GALNT16: variants seen among roughly 807,000 people sequenced by gnomAD.
GALNT16 encodes UDP-GalNAc:polypeptide N-acetylgalactosaminyltransferase-like protein 1.
A neutral mutation model predicts 76.1 loss-of-function variants in GALNT16; 40 were observed. That is an observed-to-expected ratio of 0.53 (90% CI 0.41 to 0.68). The LOEUF is 0.68. GALNT16 is among the 30% of genes least tolerant of loss of function. The probability of loss-of-function intolerance (pLI) is 0.00; values close to 1 mark genes in which losing one functional copy is unlikely to be tolerated. For missense variants in GALNT16, 621 were observed against 731.9 expected, an observed-to-expected ratio of 0.85 and a Z score of 1.75; for synonymous variants, 276 against 285.2, an observed-to-expected ratio of 0.97 and a Z score of 0.32.
chr14:69,263,312 G>A (rs1447421298), intron 1 of GALNT16, among the ~76,000 whole-genome samples: 1 of 152,182 alleles, frequency 6.6e-6, no homozygotes, highest in Non-Finnish European at 1.5e-5. Flanking sequence ...AGGAGGTGGG[G>A]GATGTACGTT....
rs1039363066 is a variant in GALNT16 at position 69,354,417 on chromosome 14, C to G, written c.*2249C>G. ...ATGTGCCACTAGCTGTCCTTGAGGA[C>G]CTCGTCTTTATGAAACACACACCTG... is the stretch of plus-strand genomic sequence containing the variant. On this transcript the variant is annotated 3_prime_UTR_variant, in exon 15 of 15. Transcript: ENST00000448469. 4 of 152,780 alleles carry G rather than the reference C, an allele frequency of 2.6e-5. No individual in the cohort carries two copies. Among genetic ancestry groups the G allele is most frequent in the African/African-American group, 7.2e-5 (3 of 41,462 alleles). The allele number at this position is 152,780 out of a possible 1,614,324, so 9.5% of individuals were successfully genotyped here. A position where few individuals can be genotyped will look rare whatever the true frequency, so the allele number is the denominator to read the frequency against.
chr14:69,271,537 C>T (rs78558369), intron 1 of GALNT16, among the ~76,000 whole-genome samples: 2 of 152,366 alleles, frequency 1.3e-5, no homozygotes, highest in East Asian at 3.9e-4. Context: ...GGGGAGAGCC[C>T]TCCTCATCAC....
At chr14:69,282,020 G>C (rs1393680068) in intron 1 of GALNT16, among the ~76,000 whole-genome samples, 2 of 152,196 alleles carry the variant, frequency 1.3e-5, no homozygotes, top group Non-Finnish European at 2.9e-5. Flanking sequence ...GTTACATCAT[G>C]GGGTTTGTCC....
chr14:69,269,380 C>T (rs199565454), intron 1 of GALNT16, among the ~76,000 whole-genome samples: 2 of 149,716 alleles, frequency 1.3e-5, no homozygotes, highest in South Asian at 4.3e-4. Flanking sequence ...ATGGGGCGCA[C>T]GTGTGTGTGT....
In GALNT16 at chr14:69,346,803, C is replaced by T. The variant is rs568582624; in HGVS notation, c.1272-237C>T. Among the ~76,000 whole-genome samples the T allele has an allele frequency of 4.6e-5, 7 of 152,276 alleles. No individual in the cohort carries two copies. The South Asian group carries it at 1.2e-3, about 27-fold the overall frequency. On this transcript the variant is annotated intron_variant, in intron 12 of 14. Coordinates refer to ENST00000448469, the MANE Select transcript of GALNT16 (RefSeq NM_001168368.2). The stretch of plus-strand genomic sequence containing the variant: ...GCTCCCCCATCCTCTATGTCTCAGG[C>T]CCAGCCTCCAGGGCAGAGGGTCCCA...
intron 12 of GALNT16, among the ~76,000 whole-genome samples, chr14:69,345,682 G>T (rs544316286): frequency 7.0e-6 from 1 of 142,466 alleles, no homozygotes; most frequent in Admixed American, 7.1e-5. Context: ...GCTTCCTCAG[G>T]TTTATTACCC....
intron 1 of GALNT16, among the ~76,000 whole-genome samples, chr14:69,271,317 T>C (rs1237048194): frequency 6.6e-6 from 1 of 151,990 alleles, no homozygotes. Context: ...GCTCAAGACC[T>C]ATGGAACTTG....
the GALNT16 span, among the ~76,000 whole-genome samples, chr14:69,367,126 C>A: frequency 6.6e-6 from 1 of 152,052 alleles, no homozygotes; most frequent in East Asian, 1.9e-4. Context: ...GTGGTCCGTA[C>A]AGGGAACAGG....
rs2044264293 is a variant in GALNT16 at position 69,261,092 on chromosome 14, CT to C, written c.177+627del. ...ACTGTACGCGTCTCTCACTCCCAACCTTAGGGTCCGCCACCACGGGTAGGTG... is the reference window on the plus strand; with the variant it reads ...ACTGTACGCGTCTCTCACTCCCAACCTAGGGTCCGCCACCACGGGTAGGTG... On this transcript the variant is annotated intron_variant, in intron 1 of 14. Coordinates refer to ENST00000448469, the MANE Select transcript of GALNT16 (RefSeq NM_001168368.2). This position sits in a 1 kb window ranked among gnomAD's most constrained non-coding sequence, Gnocchi z 6.4. Among the ~76,000 whole-genome samples the C allele has an allele frequency of 2.0e-5, 3 of 152,238 alleles. No individual in the cohort carries two copies. The South Asian group carries it at 6.2e-4, about 31-fold the overall frequency.
At chr14:69,346,011 C>G (rs1005819000) in intron 12 of GALNT16, among the ~76,000 whole-genome samples, 3 of 152,094 alleles carry the variant, frequency 2.0e-5, no homozygotes, top group Admixed American at 1.3e-4. Context: ...CCTTAGCCTC[C>G]CAAGTACGTG....
chr14:69,309,016 G>A (rs2044977479), intron 1 of GALNT16, among the ~76,000 whole-genome samples: 1 of 152,102 alleles, frequency 6.6e-6, no homozygotes, highest in Non-Finnish European at 1.5e-5. Context: ...TTTTATTACT[G>A]GCAGAATCAA....
intron 1 of GALNT16, among the ~76,000 whole-genome samples, chr14:69,312,259 A>C (rs561986750): frequency 6.6e-6 from 1 of 151,986 alleles, no homozygotes; most frequent in Non-Finnish European, 1.5e-5. Context: ...TCTAAAAAAA[A>C]TTTTTTTTAA....
At chr14:69,301,630 C>T (rs2044853530) in intron 1 of GALNT16, among the ~76,000 whole-genome samples, 1 of 152,248 alleles carries the variant, frequency 6.6e-6, no homozygotes, top group Non-Finnish European at 1.5e-5. Flanking sequence ...TGAACTACTG[C>T]ACCCAGCCCA....
chr14:69,290,836 G>A (rs1566866936), intron 1 of GALNT16, among the ~76,000 whole-genome samples: 1 of 152,232 alleles, frequency 6.6e-6, no homozygotes, highest in Admixed American at 6.5e-5. Flanking sequence ...TTCCATCCAG[G>A]TTCCATGACT....
intron 1 of GALNT16, among the ~76,000 whole-genome samples, chr14:69,273,531 C>T (rs1194296627): frequency 1.3e-5 from 2 of 152,188 alleles, no homozygotes; most frequent in Non-Finnish European, 2.9e-5. Context: ...ATTTACTAAT[C>T]CTGCATTAGG....
chr14:69,345,107 T>C (rs771598493), intron 12 of GALNT16, among the ~76,000 whole-genome samples: 2 of 152,238 alleles, frequency 1.3e-5, no homozygotes, highest in African/African-American at 2.4e-5. Context: ...TGCAAGCTCA[T>C]TGTGGCCTGA....
intron 1 of GALNT16, among the ~76,000 whole-genome samples, chr14:69,317,321 G>A (rs2045117327): frequency 6.6e-6 from 1 of 152,218 alleles, no homozygotes; most frequent in African/African-American, 2.4e-5. Flanking sequence ...CTGGTCACAC[G>A]ACATCTGCAG....
intron 1 of GALNT16, among the ~76,000 whole-genome samples, chr14:69,304,904 A>G (rs2044909844): frequency 6.6e-6 from 1 of 152,190 alleles, no homozygotes; most frequent in Non-Finnish European, 1.5e-5. Flanking sequence ...CATCTTGGCT[A>G]TTGTGAATAA....
At chr14:69,260,042 G>A (rs2044238729), upstream of GALNT16, 3 of 448,686 alleles carry the variant, frequency 6.7e-6, no homozygotes, top group Non-Finnish European at 1.2e-5. Context: ...CCGGCCCTGC[G>A]CACGAATGAA....
Sources: gnomAD v4.1 joint callset for allele counts (sites outside exome capture counted in the v4.1 genomes callset) on GRCh38, gnomAD v4.1.1 for gene constraint, Gnocchi (gnomAD v3.1) non-coding constraint, MANE v1.5 for transcripts, NCBI Gene and HGNC (gene_info 2026-07-23, HGNC 2026-07-21) for gene names.